Variants in MYT1L observed in about 807,000 individuals in gnomAD.
The protein encoded by MYT1L is myelin transcription factor 1 like, also known as myelin transcription factor 1-like protein.
In MYT1L, 12 loss-of-function variants were observed where a neutral mutation model predicts 126.7. The ratio of observed to expected loss-of-function variants is 0.09; its 90% CI spans 0.06 to 0.15. The LOEUF (loss-of-function observed/expected upper bound fraction) is 0.15. MYT1L is among the 10% of genes least tolerant of loss of function. The probability of loss-of-function intolerance (pLI) is 1.00; values close to 1 mark genes in which losing one functional copy is unlikely to be tolerated. For synonymous variants in MYT1L, 541 were observed against 604.2 expected, an observed-to-expected ratio of 0.90 and a Z score of 1.53; for missense variants, 979 against 1,585.2, an observed-to-expected ratio of 0.62 and a Z score of 6.49.
intron 2 of MYT1L, among the ~76,000 whole-genome samples, chr2:2,230,993 A>T (rs2094147445): frequency 6.6e-6 from 1 of 152,168 alleles, no homozygotes; most frequent in African/African-American, 2.4e-5. Context: ...CCACACGACC[A>T]TCAGGGAACT....
intron 3 of MYT1L, among the ~76,000 whole-genome samples, chr2:2,092,059 C>A (rs150107949): frequency 1.3e-5 from 2 of 152,182 alleles, no homozygotes; most frequent in Non-Finnish European, 2.9e-5. Context: ...TGAAGTAGCA[C>A]CTTTAATTTC....
chr2:2,039,105 G>C (rs865786576), intron 4 of MYT1L, among the ~76,000 whole-genome samples: 1 of 152,176 alleles, frequency 6.6e-6, no homozygotes, highest in Non-Finnish European at 1.5e-5. Flanking sequence ...CAAGCACCGG[G>C]GGAATGAACA....
chr2:1,892,583 G>A (rs989466508), intron 14 of MYT1L, among the ~76,000 whole-genome samples: 4 of 149,760 alleles, frequency 2.7e-5, no homozygotes, highest in African/African-American at 7.4e-5. Flanking sequence ...CAGCACAGGC[G>A]GTCACCTGGT....
intron 18 of MYT1L, among the ~76,000 whole-genome samples, chr2:1,860,182 A>G (rs1324495662): frequency 2.0e-5 from 3 of 152,202 alleles, no homozygotes; most frequent in Non-Finnish European, 4.4e-5. Flanking sequence ...CTGACGTCCC[A>G]TTCACTTAAC....
At chr2:2,153,447 C>T (rs1187378068) in intron 3 of MYT1L, among the ~76,000 whole-genome samples, 2 of 152,060 alleles carry the variant, frequency 1.3e-5, no homozygotes, top group Admixed American at 6.6e-5. Context: ...TCCCTCTGCA[C>T]ACACACAGGT....
chr2:2,095,559 C>T (rs898546432), intron 3 of MYT1L, among the ~76,000 whole-genome samples: 4 of 151,750 alleles, frequency 2.6e-5, no homozygotes, highest in African/African-American at 4.8e-5. Flanking sequence ...CACCTGTGGC[C>T]GCGGGGGGTC....
At chr2:2,152,586 C>A (rs2085987802) in intron 3 of MYT1L, among the ~76,000 whole-genome samples, 1 of 152,148 alleles carries the variant, frequency 6.6e-6, no homozygotes, top group African/African-American at 2.4e-5. Context: ...CAATGTCATT[C>A]TGTGCAGAGG....
At chr2:2,277,120 C>A (rs1420193647) in intron 2 of MYT1L, among the ~76,000 whole-genome samples, 3 of 151,900 alleles carry the variant, frequency 2.0e-5, no homozygotes, top group African/African-American at 7.3e-5. Flanking sequence ...TAGCTGGGAC[C>A]ACAGGCACCC....
In MYT1L at chr2:2,267,555, A is replaced by G. The variant is rs528025074; in HGVS notation, c.-421+16849T>C. On this transcript the variant is annotated intron_variant, in intron 2 of 24. Coordinates refer to ENST00000647738, the MANE Select transcript of MYT1L (RefSeq NM_001303052.2). ...GACAGAAAAAAAATGCCCCAGATGG[A>G]AGCAACAGGATTTCCTAAATGGCTG... Among the ~76,000 whole-genome samples the G allele has an allele frequency of 2.0e-5, 3 of 152,284 alleles. No individual in the cohort carries two copies. In the South Asian group the frequency reaches 6.2e-4, roughly 32 times the overall value.
chr2:2,216,043 G>GTCTCTC (rs146632684), intron 2 of MYT1L, among the ~76,000 whole-genome samples: 2 of 123,390 alleles, frequency 1.6e-5, no homozygotes, highest in African/African-American at 6.4e-5. Context: ...CTGTCTGTCT[G>GTCTCTC]TCTCTCTCTC....
intron 3 of MYT1L, among the ~76,000 whole-genome samples, chr2:2,072,723 G>A (rs1288244751): frequency 2.6e-5 from 4 of 152,198 alleles, no homozygotes; most frequent in Non-Finnish European, 4.4e-5. Context: ...TCTCATGCTA[G>A]TGAGTGAGTT....
chr2:1,796,434 C>A lies in MYT1L; in HGVS notation c.3277-3970G>T, dbSNP rs555470912. Among the ~76,000 whole-genome samples, 25 of 152,314 alleles carry A rather than the reference C, an allele frequency of 1.6e-4. 1 individual carries two copies. The South Asian group carries it at 5.0e-3, about 30-fold the overall frequency. On this transcript the variant is annotated intron_variant, in intron 23 of 24. Coordinates refer to ENST00000647738, the MANE Select transcript of MYT1L (RefSeq NM_001303052.2). ...CCAGGGAGGCTGGATCACAGAGAGG[C>A]TTAGCCCCAGGGAGAACAGCCATCT... is the stretch of plus-strand genomic sequence containing the variant.
At chr2:2,251,555 A>C (rs1428881536) in intron 2 of MYT1L, among the ~76,000 whole-genome samples, 1 of 152,122 alleles carries the variant, frequency 6.6e-6, no homozygotes, top group Admixed American at 6.5e-5. Context: ...TATTATTCCA[A>C]GGAATGCACC....
chr2:1,909,968 G>A (rs2051680350), intron 13 of MYT1L, among the ~76,000 whole-genome samples: 1 of 152,140 alleles, frequency 6.6e-6, no homozygotes, highest in South Asian at 2.1e-4. Flanking sequence ...TGAAATACCA[G>A]GTCCAGAAAC....
chr2:2,299,435 G>A (rs938440231), intron 1 of MYT1L, among the ~76,000 whole-genome samples: 1 of 152,220 alleles, frequency 6.6e-6, no homozygotes, highest in Non-Finnish European at 1.5e-5. Context: ...TGGGCAGGAG[G>A]CCATGCTTGT....
intron 8 of MYT1L, among the ~76,000 whole-genome samples, chr2:1,948,453 G>C (rs1384086925): frequency 6.6e-6 from 1 of 152,162 alleles, no homozygotes; most frequent in African/African-American, 2.4e-5. Context: ...TTACATCTGT[G>C]TTCAACTCCA....
At chr2:2,311,779 A>G (rs911977777) in intron 1 of MYT1L, among the ~76,000 whole-genome samples, 3 of 152,016 alleles carry the variant, frequency 2.0e-5, no homozygotes, top group African/African-American at 7.3e-5. Context: ...TTACCCCAAA[A>G]CCTTGTATAT....
chr2:2,056,584 G>C (rs1455298945), intron 3 of MYT1L, among the ~76,000 whole-genome samples: 2 of 152,178 alleles, frequency 1.3e-5, no homozygotes, highest in Non-Finnish European at 2.9e-5. Flanking sequence ...ATTAGGTAAG[G>C]AGTGAGTGAG....
intron 3 of MYT1L, among the ~76,000 whole-genome samples, chr2:2,167,604 C>A (rs116134298): frequency 6.6e-6 from 1 of 152,354 alleles, no homozygotes; most frequent in African/African-American, 2.4e-5. Context: ...CCTTCCCTCC[C>A]GCTTCCCGCT....
Sources: allele counts gnomAD v4.1 joint callset (sites outside exome capture counted in the v4.1 genomes callset), GRCh38; gene constraint gnomAD v4.1.1; transcripts MANE v1.5; gene names NCBI Gene and HGNC (gene_info 2026-07-23, HGNC 2026-07-21).